Variants in MGAT4C observed in about 807,000 individuals in gnomAD.
The protein encoded by MGAT4C is alpha-1,3-mannosyl-glycoprotein 4-beta-N-acetylglucosaminyltransferase C.
In MGAT4C, 19 loss-of-function variants were observed where a neutral mutation model predicts 40.1. The ratio of observed to expected loss-of-function variants is 0.47; its 90% CI spans 0.33 to 0.70. MGAT4C has a LOEUF of 0.70. MGAT4C is among the 30% of genes least tolerant of loss of function. The pLI is 0.02. For missense variants in MGAT4C, 491 were observed against 563.2 expected, an observed-to-expected ratio of 0.87 and a Z score of 1.30; for synonymous variants, 181 against 187.1, an observed-to-expected ratio of 0.97 and a Z score of 0.27.
intron 2 of MGAT4C, among the ~76,000 whole-genome samples, chr12:86,564,198 A>G (rs1359226937): frequency 6.6e-6 from 1 of 152,176 alleles, no homozygotes; most frequent in Non-Finnish European, 1.5e-5. Flanking sequence ...AAGCTTAACC[A>G]GGTAGTAACT....
At chr12:86,147,955 CT>C (rs1883768656) in intron 1 of MGAT4C, among the ~76,000 whole-genome samples, 1 of 152,254 alleles carries the variant, frequency 6.6e-6, no homozygotes, top group South Asian at 2.1e-4. Context: ...TTTAAAGCCT[CT>C]TGATTTCAGA....
chr12:86,123,283 T>C (rs966319804), intron 1 of MGAT4C, among the ~76,000 whole-genome samples: 3 of 152,266 alleles, frequency 2.0e-5, no homozygotes, highest in Admixed American at 2.0e-4. Context: ...GATTTGACAG[T>C]GTAAGTGCTG....
intron 2 of MGAT4C, among the ~76,000 whole-genome samples, chr12:86,552,026 CAAA>C (rs201076856): frequency 1.6e-5 from 1 of 60,662 alleles, no homozygotes; most frequent in Admixed American, 1.7e-4. Flanking sequence ...TTAAAAAAAG[CAAA>C]AAAAAAAAAA....
At chr12:86,613,836 G>A (rs1291557609) in intron 2 of MGAT4C, among the ~76,000 whole-genome samples, 1 of 151,928 alleles carries the variant, frequency 6.6e-6, no homozygotes, top group Admixed American at 6.6e-5. Flanking sequence ...ACAAATCTAA[G>A]GGTTGAACAA....
intron 2 of MGAT4C, among the ~76,000 whole-genome samples, chr12:86,669,379 G>T (rs1964195593): frequency 6.6e-6 from 1 of 152,110 alleles, no homozygotes; most frequent in East Asian, 1.9e-4. Flanking sequence ...GCACCTGTTT[G>T]CCTCGTTCAG....
intron 1 of MGAT4C, among the ~76,000 whole-genome samples, chr12:86,220,182 C>T (rs955129720): frequency 2.6e-5 from 4 of 152,012 alleles, no homozygotes; most frequent in Admixed American, 2.6e-4. Flanking sequence ...GTATAATTAA[C>T]CAAGGATGTT....
chr12:86,307,287 A>C (rs972428556), intron 4 of MGAT4C, among the ~76,000 whole-genome samples: 2 of 150,712 alleles, frequency 1.3e-5, no homozygotes, highest in Non-Finnish European at 2.9e-5. Flanking sequence ...TATACTTATT[A>C]ACTAGCAGCA....
At chr12:86,187,052 G>A (rs1273250152) in intron 1 of MGAT4C, among the ~76,000 whole-genome samples, 1 of 152,078 alleles carries the variant, frequency 6.6e-6, no homozygotes, top group Non-Finnish European at 1.5e-5. Flanking sequence ...AATTCAAAGT[G>A]TATAGGCATG....
At chr12:86,213,833 A>C (rs1382249710) in intron 1 of MGAT4C, among the ~76,000 whole-genome samples, 1 of 152,226 alleles carries the variant, frequency 6.6e-6, no homozygotes, top group Admixed American at 6.5e-5. Context: ...CAGAGAAAGA[A>C]AATTTCTAGA....
At chr12:86,640,272 CAACTT>C (rs2136519190) in intron 2 of MGAT4C, among the ~76,000 whole-genome samples, 2 of 151,842 alleles carry the variant, frequency 1.3e-5, no homozygotes, top group South Asian at 4.2e-4. Flanking sequence ...TATTTATTCT[CAACTT>C]AAATGCTACA....
At chr12:86,383,143 C>G (rs1354949251) in intron 3 of MGAT4C, among the ~76,000 whole-genome samples, 1 of 152,188 alleles carries the variant, frequency 6.6e-6, no homozygotes, top group Non-Finnish European at 1.5e-5. Flanking sequence ...AGGGGTTATA[C>G]TCTGCAAAGC....
intron 2 of MGAT4C, among the ~76,000 whole-genome samples, chr12:86,515,910 T>C (rs931508827): frequency 6.6e-6 from 1 of 151,336 alleles, no homozygotes; most frequent in African/African-American, 2.4e-5. Flanking sequence ...GCCCAGCTAA[T>C]TTTTTTTGTA....
intron 3 of MGAT4C, among the ~76,000 whole-genome samples, chr12:86,359,682 A>G (rs1955409709): frequency 6.6e-6 from 1 of 152,208 alleles, no homozygotes; most frequent in African/African-American, 2.4e-5. Context: ...ACAAACTACC[A>G]TCAGAGAATA....
chr12:86,824,116 C>A (rs1214904017), intron 1 of MGAT4C, among the ~76,000 whole-genome samples: 1 of 151,326 alleles, frequency 6.6e-6, no homozygotes, highest in African/African-American at 2.4e-5. Context: ...TGCCTACCTG[C>A]CCATTAGTCC....
chr12:86,109,464 A>G (rs1876827338), intron 1 of MGAT4C, among the ~76,000 whole-genome samples: 1 of 152,114 alleles, frequency 6.6e-6, no homozygotes, highest in Non-Finnish European at 1.5e-5. Flanking sequence ...TATCAATGCT[A>G]TCTATAAGGT....
chr12:86,181,156 C>T (rs147199499), intron 1 of MGAT4C, among the ~76,000 whole-genome samples: 35 of 152,194 alleles, frequency 2.3e-4, no homozygotes, highest in African/African-American at 6.3e-4. Context: ...TTTCTCTTGC[C>T]GCGGCCATGT....
intron 3 of MGAT4C, among the ~76,000 whole-genome samples, chr12:86,427,517 C>T (rs924072693): frequency 6.6e-6 from 1 of 152,102 alleles, no homozygotes. Context: ...TACACACACA[C>T]AGACACACTC....
intron 3 of MGAT4C, among the ~76,000 whole-genome samples, chr12:86,352,113 C>A (rs552483471): frequency 6.6e-6 from 1 of 152,138 alleles, no homozygotes; most frequent in East Asian, 1.9e-4. Context: ...GAAATCACTG[C>A]TAATGCATAT....
intron 2 of MGAT4C, among the ~76,000 whole-genome samples, chr12:86,504,846 T>C (rs1489512488): frequency 6.6e-6 from 1 of 152,050 alleles, no homozygotes. Context: ...ATGTTGGTGC[T>C]CAATGTTGGC....
Sources: allele counts gnomAD v4.1 joint callset (sites outside exome capture counted in the v4.1 genomes callset), GRCh38; gene constraint gnomAD v4.1.1; transcripts MANE v1.5; gene names NCBI Gene and HGNC (gene_info 2026-07-23, HGNC 2026-07-21).